LINGO2: variants seen among roughly 807,000 people sequenced by gnomAD.
LINGO2 encodes leucine rich repeat and Ig domain containing 2.
A neutral mutation model predicts 30.6 loss-of-function variants in LINGO2; 14 were observed. The ratio of observed to expected loss-of-function variants is 0.46; its 90% CI spans 0.30 to 0.72. LINGO2 has a LOEUF of 0.72. LINGO2 is among the 30% of genes least tolerant of loss of function. The pLI is 0.07. For missense variants in LINGO2, 729 were observed against 751.7 expected (o/e 0.97, Z 0.35); for synonymous variants, 317 against 288.5 (o/e 1.10, Z -1.00).
At chr9:29,130,308 G>A in the LINGO2 span, among the ~76,000 whole-genome samples, 1 of 152,052 alleles carries the variant, frequency 6.6e-6, no homozygotes, top group East Asian at 1.9e-4. Flanking sequence ...TAATTCCCTG[G>A]TTTAGGTTAC....
the LINGO2 span, among the ~76,000 whole-genome samples, chr9:28,749,661 G>A: frequency 1.9e-4 from 29 of 151,974 alleles, no homozygotes; most frequent in African/African-American, 6.0e-4. Context: ...GCACTTCAGA[G>A]GAGATAAGTA....
At chr9:29,138,189 T>A in the LINGO2 span, among the ~76,000 whole-genome samples, 1 of 152,016 alleles carries the variant, frequency 6.6e-6, no homozygotes, top group African/African-American at 2.4e-5. Context: ...AACCTATATA[T>A]AATAATAGCA....
chr9:28,005,026 G>T (rs538851024), intron 5 of LINGO2, among the ~76,000 whole-genome samples: 2 of 152,172 alleles, frequency 1.3e-5, no homozygotes, highest in African/African-American at 4.8e-5. Flanking sequence ...CGCAAGAAGA[G>T]GGGAAATGTC....
the LINGO2 span, among the ~76,000 whole-genome samples, chr9:29,139,456 A>G: frequency 6.6e-6 from 1 of 152,184 alleles, no homozygotes; most frequent in African/African-American, 2.4e-5. Context: ...AGACAATGCT[A>G]TATGAGACTA....
chr9:29,139,593 A>G, the LINGO2 span, among the ~76,000 whole-genome samples: 1 of 152,120 alleles, frequency 6.6e-6, no homozygotes, highest in Non-Finnish European at 1.5e-5. Context: ...ATATGGATCA[A>G]TTCCCTTTGG....
intron 5 of LINGO2, among the ~76,000 whole-genome samples, chr9:27,954,741 G>T (rs984648845): frequency 1.3e-5 from 2 of 152,162 alleles, no homozygotes; most frequent in African/African-American, 4.8e-5. Flanking sequence ...GGAAGAAAAA[G>T]AGGTTTAATG....
intron 2 of LINGO2, among the ~76,000 whole-genome samples, chr9:28,426,423 T>A (rs1446126779): frequency 1.3e-5 from 2 of 152,080 alleles, no homozygotes; most frequent in African/African-American, 2.4e-5. Context: ...ATAAATTCAG[T>A]AATTCGAGAG....
At chr9:29,058,073 C>T in the LINGO2 span, among the ~76,000 whole-genome samples, 1 of 151,998 alleles carries the variant, frequency 6.6e-6, no homozygotes, top group African/African-American at 2.4e-5. Context: ...ATTTACTACA[C>T]ATTTAAAACG....
chr9:28,068,066 T>A (rs2133159026), intron 4 of LINGO2, among the ~76,000 whole-genome samples: 1 of 152,312 alleles, frequency 6.6e-6, no homozygotes, highest in East Asian at 1.9e-4. Flanking sequence ...AAAGTCTCTG[T>A]CTTCTCTACA....
chr9:28,731,248 C>G, the LINGO2 span, among the ~76,000 whole-genome samples: 11 of 152,038 alleles, frequency 7.2e-5, no homozygotes, highest in Non-Finnish European at 1.6e-4. Context: ...CTCGGCCTCC[C>G]AAGGTGTTGG....
chr9:27,968,952 T>C (rs138557051), intron 5 of LINGO2, among the ~76,000 whole-genome samples: 33 of 151,872 alleles, frequency 2.2e-4, no homozygotes, highest in Admixed American at 1.3e-3. Context: ...GAAGATCAAA[T>C]ATGTATATAT....
chr9:28,973,547 T>C, the LINGO2 span, among the ~76,000 whole-genome samples: 9 of 152,202 alleles, frequency 5.9e-5, no homozygotes, highest in Non-Finnish European at 1.3e-4. Context: ...AAATGGCAGT[T>C]CCCTTGCATA....
At chr9:29,123,601 G>T in the LINGO2 span, among the ~76,000 whole-genome samples, 1 of 151,574 alleles carries the variant, frequency 6.6e-6, no homozygotes, top group Admixed American at 6.6e-5. Context: ...ATTATCAAAA[G>T]TCTAAAATAA....
chr9:28,973,197 G>C, the LINGO2 span, among the ~76,000 whole-genome samples: 1 of 152,118 alleles, frequency 6.6e-6, no homozygotes, highest in African/African-American at 2.4e-5. Context: ...AGAACACCAA[G>C]CACATTTAAA....
At chr9:28,893,413 T>C in the LINGO2 span, among the ~76,000 whole-genome samples, 1 of 152,028 alleles carries the variant, frequency 6.6e-6, no homozygotes, top group Non-Finnish European at 1.5e-5. Flanking sequence ...AAAGTCTATT[T>C]ATTTTTAGGT....
intron 4 of LINGO2, among the ~76,000 whole-genome samples, chr9:28,177,134 A>G (rs535832033): frequency 5.9e-5 from 9 of 152,302 alleles, no homozygotes; most frequent in African/African-American, 1.9e-4. Flanking sequence ...TCTTTTCAAC[A>G]TGAAGGATCT....
the LINGO2 span, among the ~76,000 whole-genome samples, chr9:29,112,375 T>C: frequency 6.6e-6 from 1 of 152,126 alleles, no homozygotes; most frequent in Non-Finnish European, 1.5e-5. Context: ...CCCAGGAATC[T>C]GCTCTTGTGG....
the LINGO2 span, among the ~76,000 whole-genome samples, chr9:28,901,948 G>C: frequency 6.6e-6 from 1 of 152,054 alleles, no homozygotes; most frequent in African/African-American, 2.4e-5. Flanking sequence ...CCAGTATTTT[G>C]GGAGGCCAAA....
intron 2 of LINGO2, among the ~76,000 whole-genome samples, chr9:28,458,398 C>G (rs1200373691): frequency 6.6e-6 from 1 of 152,176 alleles, no homozygotes; most frequent in African/African-American, 2.4e-5. Context: ...GTGATTTTCA[C>G]TTGTCTTGTT....
Sources: gnomAD v4.1 joint callset for allele counts (sites outside exome capture counted in the v4.1 genomes callset) on GRCh38, gnomAD v4.1.1 for gene constraint, MANE v1.5 for transcripts, NCBI Gene and HGNC (gene_info 2026-07-23, HGNC 2026-07-21) for gene names.